CACNA1A: variants seen among roughly 807,000 people sequenced by gnomAD.
CACNA1A encodes voltage-dependent P/Q-type calcium channel subunit alpha-1A.
Under a neutral mutation model 262.4 loss-of-function variants are expected in CACNA1A, and 57 were observed. That is an observed-to-expected ratio of 0.22 (90% confidence interval 0.18 to 0.27). The LOEUF (loss-of-function observed/expected upper bound fraction) is 0.27, where lower values mean the gene tolerates loss of function less well. Ranked by LOEUF, CACNA1A falls within the 10% of genes least tolerant of loss-of-function variation. CACNA1A has a pLI of 1.00. For missense variants in CACNA1A, 2,526 were observed against 3,562.8 expected, an observed-to-expected ratio of 0.71 and a Z score of 7.41; for synonymous variants, 1,431 against 1,419.3, an observed-to-expected ratio of 1.01 and a Z score of -0.18.
chr19:13,455,258 G>T, intron 1 of CACNA1A, 46 bp from the exon 2 acceptor site: 1 of 1,212,232 alleles, frequency 8.2e-7, no homozygotes. Flanking sequence ...AAAGAAGGGT[G>T]TTGGAGGTGC....
intron 3 of CACNA1A, among the ~76,000 whole-genome samples, chr19:13,395,942 G>C (rs764964283): frequency 1.3e-5 from 2 of 152,298 alleles, no homozygotes; most frequent in South Asian, 4.1e-4. Flanking sequence ...CAGTCTATTA[G>C]CATTTACATT....
Position 13,298,812 on chromosome 19 carries a change from C to G in CACNA1A, c.2821G>C (p.Glu941Gln). 6.4e-7 allele frequency: 1 copy of G among 1,565,960 alleles called. No homozygotes were observed. Among genetic ancestry groups the G allele is most frequent in the Non-Finnish European group, 8.6e-7 (1 of 1,166,968 alleles). Reference sequence around the variant, plus strand: ...GTGCGCGGGGACCCGCTGCGGCTCTCCCTGCTGCCCCCCTGCCGGTGCACG... The same window carrying G: ...GTGCGCGGGGACCCGCTGCGGCTCTGCCTGCTGCCCCCCTGCCGGTGCACG... ...RHVHRQGGSR[E>Q]SRSGSPRTGA... is the part of the protein sequence containing the mutation. Residue 941 changes from glutamate to glutamine, a missense_variant, in exon 19 of 47, where the codon GAG (glutamate) becomes CAG (glutamine). Around this residue, in one of 17 missense-constraint regions of CACNA1A, gnomAD observed 765 missense variants for 748.6 expected, o/e 1.02. Coordinates refer to ENST00000360228, the MANE Select transcript of CACNA1A (RefSeq NM_001127222.2).
At chr19:13,446,987 A>G (rs1349625881) in intron 3 of CACNA1A, among the ~76,000 whole-genome samples, 6 of 152,144 alleles carry the variant, frequency 3.9e-5, no homozygotes, top group Non-Finnish European at 8.8e-5. Flanking sequence ...AATTTGAGCA[A>G]TGTGCCTCAT....
At chr19:13,231,619 C>T (rs2055669300) in intron 35 of CACNA1A, 91 bp downstream of exon 35, 13 of 1,355,926 alleles carry the variant, frequency 9.6e-6, no homozygotes, top group Admixed American at 4.1e-5. Context: ...AACAAGCCTT[C>T]GACACAGCCA....
Position 13,433,460 on chromosome 19 carries a change from C to CAAA in CACNA1A, c.539+19413_539+19415dup, listed in dbSNP as rs533297364. On this transcript the variant is annotated intron_variant, in intron 3 of 46. Transcript: ENST00000360228. ...TCGGCAACAAAGCAAGACGCTGTCTCAAAAAAAAAAAAAAAAAAAAAAAGT... is the reference window on the plus strand; with the variant it reads ...TCGGCAACAAAGCAAGACGCTGTCTCAAAAAAAAAAAAAAAAAAAAAAAAAAGT... Among the ~76,000 whole-genome samples, 133 of 76,202 alleles carry CAAA rather than the reference C, an allele frequency of 1.7e-3. 5 individuals are homozygous for CAAA. The highest frequency in any genetic ancestry group is 5.8e-3 in the African/African-American group (102 of 17,634). The allele number at this position is 76,202 out of a possible 152,430, so 50.0% of individuals were successfully genotyped here.
At chr19:13,341,769 C>T (rs1345349502) in intron 6 of CACNA1A, among the ~76,000 whole-genome samples, 2 of 152,180 alleles carry the variant, frequency 1.3e-5, no homozygotes, top group African/African-American at 4.8e-5. Flanking sequence ...TTTCTTTTTT[C>T]CCATTTGCAT....
intron 3 of CACNA1A, among the ~76,000 whole-genome samples, chr19:13,427,187 C>T (rs2060416143): frequency 6.6e-6 from 1 of 152,058 alleles, no homozygotes; most frequent in Non-Finnish European, 1.5e-5. Flanking sequence ...CGTGGTGGCT[C>T]AGGCCTGTAT....
chr19:13,485,542 G>A (rs1294305367), intron 1 of CACNA1A, among the ~76,000 whole-genome samples: 2 of 151,690 alleles, frequency 1.3e-5, no homozygotes, highest in East Asian at 1.9e-4. Flanking sequence ...TTTTAAAAGT[G>A]ACCTAATCAA....
intron 31 of CACNA1A, among the ~76,000 whole-genome samples, chr19:13,239,110 G>A (rs1352523027): frequency 2.1e-5 from 2 of 94,184 alleles, no homozygotes; most frequent in African/African-American, 3.6e-5. Flanking sequence ...GACCAGTCGC[G>A]CCTCCCCTGC....
At chr19:13,283,154 T>C in intron 22 of CACNA1A, 113 bp downstream of exon 22, 1 of 1,297,284 alleles carries the variant, frequency 7.7e-7, no homozygotes, top group Non-Finnish European at 1.1e-6. Context: ...ATAAGGGCTA[T>C]GCCTAGGGGT....
In CACNA1A at chr19:13,430,672, G is replaced by A. The variant is rs142944169; in HGVS notation, c.539+22204C>T. ...TGCCAGGCTGTGTTCTAGGCTCTGG[G>A]GGAATAGCAGTGAACAAAACAGACA... is the stretch of plus-strand genomic sequence containing the variant. On this transcript the variant is annotated intron_variant, in intron 3 of 46. Coordinates refer to ENST00000360228, the MANE Select transcript of CACNA1A (RefSeq NM_001127222.2). 3.7e-3 allele frequency among the ~76,000 whole-genome samples: 567 copies of A among 152,256 alleles called. 4 individuals are homozygous for A. Among genetic ancestry groups the A allele is most frequent in the African/African-American group, 0.013 (528 of 41,538 alleles).
At chr19:13,238,479 G>C (rs1037705210) in intron 31 of CACNA1A, among the ~76,000 whole-genome samples, 1 of 152,088 alleles carries the variant, frequency 6.6e-6, no homozygotes, top group African/African-American at 2.4e-5. Context: ...CACAACACCT[G>C]CCTATCTGAC....
chr19:13,280,940 CAA>C (rs59445149), intron 22 of CACNA1A, among the ~76,000 whole-genome samples: 94 of 82,362 alleles, frequency 1.1e-3, no homozygotes, highest in African/African-American at 4.0e-3. Flanking sequence ...GACTCCATCT[CAA>C]AAAAAAAAAA....
At chr19:13,427,957 G>T (rs540336276) in intron 3 of CACNA1A, among the ~76,000 whole-genome samples, 2,017 of 148,204 alleles carry the variant, frequency 0.014, 62 homozygotes, top group African/African-American at 0.049. Context: ...TTTTTTTTGT[G>T]TGTGTGACAG....
At chr19:13,319,256 GATTCATTCATTAGTAC>G (rs1288540391) in intron 10 of CACNA1A, among the ~76,000 whole-genome samples, 1 of 152,060 alleles carries the variant, frequency 6.6e-6, no homozygotes, top group African/African-American at 2.4e-5. Flanking sequence ...TTCATTGATT[GATTCATTCATTAGTAC>G]ATTCATTCAT....
intron 3 of CACNA1A, among the ~76,000 whole-genome samples, chr19:13,429,942 G>C (rs927232198): frequency 1.4e-5 from 2 of 145,746 alleles, no homozygotes; most frequent in African/African-American, 5.1e-5. Flanking sequence ...AAACTAGAAC[G>C]GCGGGTGCCA....
intron 30 of CACNA1A, among the ~76,000 whole-genome samples, chr19:13,249,540 A>G (rs1447810584): frequency 6.6e-6 from 1 of 152,020 alleles, no homozygotes; most frequent in African/African-American, 2.4e-5. Context: ...CTTTTTGTAG[A>G]GACAGAATCT....
Position 13,230,143 on chromosome 19 carries a change from G to A in CACNA1A, c.5467C>T (p.Leu1823=), listed in dbSNP as rs758508863. 6.2e-7 allele frequency: 1 copy of A among 1,613,934 alleles called. No individual in the cohort carries two copies. Among genetic ancestry groups the A allele is most frequent in the Non-Finnish European group, 8.5e-7 (1 of 1,179,882 alleles). ...TACTCATCCAGGTGGTGGGGGCCCA[G>A]GATGGAGGAGTCTCGGGTGAGGTAC... The part of the protein sequence containing the change: ...FEYLTRDSSI[L]GPHHLDEYVR... The change falls in exon 36 of 47, where the codon CTG becomes TTG. Residue 1823 remains leucine (L), a synonymous_variant. Coordinates refer to ENST00000360228, the MANE Select transcript of CACNA1A (RefSeq NM_001127222.2).
intron 29 of CACNA1A, among the ~76,000 whole-genome samples, 197 bp from the exon 30 acceptor site, chr19:13,253,298 A>G (rs548843490): frequency 4.3e-5 from 6 of 138,056 alleles, no homozygotes; most frequent in Admixed American, 8.2e-5. Flanking sequence ...ATCCAAAAAA[A>G]CAAAAACCTC....
Sources: allele counts gnomAD v4.1 joint callset (sites outside exome capture counted in the v4.1 genomes callset), GRCh38; gene constraint gnomAD v4.1.1; regional missense constraint gnomAD v4.1.1; transcripts MANE v1.5; gene names NCBI Gene and HGNC (gene_info 2026-07-23, HGNC 2026-07-21).